METTL9: variants seen among roughly 807,000 people sequenced by gnomAD.
The protein encoded by METTL9 is methyltransferase 9, His-X-His N1(pi)-histidine.
A neutral mutation model predicts 36.0 loss-of-function variants in METTL9; 10 were observed. That is an observed-to-expected ratio of 0.28 (90% confidence interval 0.17 to 0.47). The LOEUF is 0.47. METTL9 is among the 20% of genes least tolerant of loss of function. The pLI, the probability that METTL9 is intolerant of heterozygous loss-of-function variation, is 0.99. For missense variants in METTL9, 246 were observed against 383.5 expected (o/e 0.64, Z 3.00); for synonymous variants, 175 against 149.7 (o/e 1.17, Z -1.23).
chr16:21,628,959 G>T (rs560312773), intron 4 of METTL9, among the ~76,000 whole-genome samples: 1 of 148,326 alleles, frequency 6.7e-6, no homozygotes, highest in Admixed American at 6.7e-5. Context: ...GCACGATCTT[G>T]GCTTACTCAC....
intron 4 of METTL9, among the ~76,000 whole-genome samples, chr16:21,625,997 A>G (rs1452711445): frequency 1.3e-5 from 2 of 152,144 alleles, no homozygotes; most frequent in African/African-American, 2.4e-5. Context: ...TCGTGGGTTC[A>G]GGCATTCTCC....
intron 3 of METTL9, among the ~76,000 whole-genome samples, chr16:21,620,508 C>A (rs957601629): frequency 1.3e-5 from 2 of 152,182 alleles, no homozygotes; most frequent in African/African-American, 4.8e-5. Flanking sequence ...AGATGATTGA[C>A]CGCCCCAGCC....
intron 4 of METTL9, chr16:21,641,000 G>C (rs1327462605): frequency 6.6e-6 from 1 of 152,208 alleles, no homozygotes. Context: ...TTTGCTGATA[G>C]CATGATGTAA....
intron 4 of METTL9, among the ~76,000 whole-genome samples, chr16:21,629,964 C>G (rs1444133525): frequency 6.6e-6 from 1 of 152,130 alleles, no homozygotes; most frequent in African/African-American, 2.4e-5. Context: ...TTCTCCAAGT[C>G]CCCTACCTGA....
intron 4 of METTL9, chr16:21,644,509 G>C: frequency 1.5e-6 from 1 of 687,360 alleles, no homozygotes; most frequent in East Asian, 2.8e-5. Context: ...AACTTACTCT[G>C]CTTGCCTATT....
chr16:21,617,832 G>A, intron 2 of METTL9, 33 bp from the exon 3 acceptor site: 1 of 1,584,562 alleles, frequency 6.3e-7, no homozygotes, highest in Non-Finnish European at 8.7e-7. Context: ...AATTTGCATA[G>A]ACACTTCCAT....
chr16:21,644,496 G>A (rs948031468), intron 4 of METTL9: 23 of 773,496 alleles, frequency 3.0e-5, no homozygotes, highest in African/African-American at 2.1e-4. Context: ...GAGGTGAAAC[G>A]TGAACTTACT....
At chr16:21,630,713 C>T (rs947202680) in intron 4 of METTL9, among the ~76,000 whole-genome samples, 3 of 152,118 alleles carry the variant, frequency 2.0e-5, no homozygotes, top group African/African-American at 7.2e-5. Context: ...TTTGGGGTTC[C>T]ATTTGTAAGA....
intron 4 of METTL9, among the ~76,000 whole-genome samples, chr16:21,633,971 A>G (rs141155532): frequency 0.025 from 3,850 of 152,250 alleles, 160 homozygotes; most frequent in African/African-American, 0.088. Flanking sequence ...ACAGATGGGT[A>G]ACTTGTTCCC....
At chr16:21,603,867 A>AT (rs1219730706) in intron 1 of METTL9, among the ~76,000 whole-genome samples, 1 of 152,202 alleles carries the variant, frequency 6.6e-6, no homozygotes, top group Admixed American at 6.5e-5. Flanking sequence ...GTATGTGTAT[A>AT]TTTTTGTGAC....
intron 1 of METTL9, among the ~76,000 whole-genome samples, chr16:21,606,077 C>CTGTAATCCCGGCACTA (rs1597740056): frequency 6.6e-6 from 1 of 152,136 alleles, no homozygotes; most frequent in East Asian, 1.9e-4. Flanking sequence ...TGGCTCACGC[C>CTGTAATCCCGGCACTA]TGTAATCCCG....
At position 21,627,033 on chromosome 16, in the gene METTL9, C is replaced by T. The variant is rs1349876230; in HGVS notation, c.751+1918C>T. The T allele has an allele frequency of 1.5e-5, 15 of 985,300 alleles. 1 individual carries two copies. The South Asian group carries it at 6.6e-4, about 43-fold the overall frequency. 61.0% of individuals were successfully genotyped at this position (985,300 alleles called of 1,614,324 possible). A position where few individuals can be genotyped will look rare whatever the true frequency, so the allele number is the denominator to read the frequency against. On this transcript the variant is annotated intron_variant, in intron 4 of 4. Transcript: ENST00000358154. ...GGATGTGCAGAGCTGCCTGTTGAGT[C>T]TGAGGAGTCTGGCATGTGACACACT...
chr16:21,611,363 C>G (rs997288568), intron 1 of METTL9, among the ~76,000 whole-genome samples: 5 of 152,140 alleles, frequency 3.3e-5, no homozygotes, highest in Non-Finnish European at 7.3e-5. Context: ...GACTGTAAAG[C>G]TGGTCTACCA....
chr16:21,597,992 T>C (rs945678855), upstream of METTL9: 5 of 152,236 alleles, frequency 3.3e-5, no homozygotes, highest in Admixed American at 6.5e-5. Context: ...TACAGCCTGT[T>C]ACATTAGGCA....
At chr16:21,639,700 CAT>C (rs1159188138) in intron 4 of METTL9, 6 of 152,206 alleles carry the variant, frequency 3.9e-5, no homozygotes, top group Non-Finnish European at 1.5e-5. Flanking sequence ...CACATATACA[CAT>C]GTGCACTCAC....
intron 1 of METTL9, among the ~76,000 whole-genome samples, chr16:21,608,466 TC>T (rs1965347486): frequency 6.6e-6 from 1 of 152,102 alleles, no homozygotes; most frequent in Admixed American, 6.5e-5. Context: ...GGCCAGCGAG[TC>T]CATCTTTTAA....
Position 21,599,770 on chromosome 16 carries a change from G to A in METTL9, c.37G>A (p.Ala13Thr). 6.5e-7 allele frequency: 1 copy of A among 1,542,954 alleles called. No individual in the cohort carries two copies. Among genetic ancestry groups the A allele is most frequent in the African/African-American group, 1.4e-5 (1 of 70,310 alleles). ...LLAGWLCLSL[A>T]SVWLARRMWT... is the part of the protein sequence containing the mutation. ...GGCGGGCTGGCTGTGCCTGAGCCTG[G>A]CGTCCGTGTGGCTGGCGCGGAGGAT... The change falls in exon 1 of 5, where the codon GCG becomes ACG. Residue 13 changes from alanine to threonine, a missense_variant. By Grantham distance (58) the Ala-to-Thr change is moderately conservative (BLOSUM62 0). Transcript: ENST00000358154. This position sits in a 1 kb window ranked among gnomAD's most constrained non-coding sequence, Gnocchi z 4.4.
At chr16:21,650,950 A>G (rs1014191171) in intron 4 of METTL9, among the ~76,000 whole-genome samples, 3 of 152,172 alleles carry the variant, frequency 2.0e-5, no homozygotes, top group Admixed American at 2.0e-4. Flanking sequence ...GAGGCTGGGC[A>G]TGGTGGCTCA....
At chr16:21,638,403 G>T (rs570334441) in intron 4 of METTL9, among the ~76,000 whole-genome samples, 10 of 152,284 alleles carry the variant, frequency 6.6e-5, no homozygotes, top group Admixed American at 3.3e-4. Context: ...TTGTTGAATG[G>T]TCTTTATGGA....
Sources: allele counts gnomAD v4.1 joint callset (sites outside exome capture counted in the v4.1 genomes callset), GRCh38; gene constraint gnomAD v4.1.1; non-coding constraint Gnocchi (gnomAD v3.1); transcripts MANE v1.5; gene names NCBI Gene and HGNC (gene_info 2026-07-23, HGNC 2026-07-21).